The following HAUS3 variants were observed in gnomAD, a reference collection of about 807,000 sequenced individuals.
The protein encoded by HAUS3 is HAUS augmin-like complex subunit 3.
Under a neutral mutation model 55.2 loss-of-function variants are expected in HAUS3, and 36 were observed. The ratio of observed to expected loss-of-function variants is 0.65; its 90% CI spans 0.50 to 0.86. The LOEUF (loss-of-function observed/expected upper bound fraction) is 0.86, where lower values mean the gene tolerates loss of function less well. Ranked by LOEUF, HAUS3 falls within the 40% of genes least tolerant of loss-of-function variation. The probability of loss-of-function intolerance (pLI) is 0.00; values close to 1 mark genes in which losing one functional copy is unlikely to be tolerated. For missense variants in HAUS3, 752 were observed against 671.5 expected (o/e 1.12, Z -1.33); for synonymous variants, 234 against 238.6 (o/e 0.98, Z 0.18).
rs1441604302 is a variant in HAUS3 at position 2,236,259 on chromosome 4, T to C, written c.1547A>G (p.Gln516Arg). The C allele has an allele frequency of 6.2e-7, 1 of 1,613,142 alleles. No homozygotes were observed. The highest frequency in any genetic ancestry group is 1.7e-5 in the Admixed American group (1 of 60,004). Reference sequence around the variant, plus strand: ...ACTAAGCAAAAGCTGATTTCCTCCTTGATACAAAGTATCACAAAGCATGTC... The same window carrying C: ...ACTAAGCAAAAGCTGATTTCCTCCTCGATACAAAGTATCACAAAGCATGTC... ...DVDMLCDTLY[Q>R]GGNQLLLSDQ... The change falls in exon 5 of 6, where the codon CAA becomes CGA. Residue 516 changes from glutamine (Q) to arginine (R), a missense_variant. Coordinates refer to ENST00000443786, the MANE Select transcript of HAUS3 (RefSeq NM_001303143.2).
At position 2,240,407 on chromosome 4, in the gene HAUS3, G is replaced by C. The variant is rs761606642; in HGVS notation, c.540C>G (p.Phe180Leu). The C allele has an allele frequency of 3.1e-6, 5 of 1,612,972 alleles. No individual in the cohort carries two copies. Among genetic ancestry groups the C allele is most frequent in the African/African-American group, 1.3e-5 (1 of 75,036 alleles). ...TDEVTQLMMF[F>L]RHSNLGQGTN... Reference sequence around the variant, plus strand: ...TCCCTTGACCTAAATTAGAATGTCTGAAGAACATCATCAATTGTGTAACTT... The same window carrying C: ...TCCCTTGACCTAAATTAGAATGTCTCAAGAACATCATCAATTGTGTAACTT... Residue 180 changes from phenylalanine (F) to leucine (L), a missense_variant, in exon 3 of 6, where the codon TTC becomes TTG. By Grantham distance (22) the Phe-to-Leu change is conservative (BLOSUM62 0). Transcript: ENST00000443786.
intron 5 of HAUS3, among the ~76,000 whole-genome samples, chr4:2,233,410 T>A (rs1734652100): frequency 6.6e-6 from 1 of 151,218 alleles, no homozygotes; most frequent in Admixed American, 6.6e-5. Context: ...AGAGTGAGAT[T>A]ACCATATTTT....
In HAUS3 at chr4:2,230,469, A is replaced by G. The variant is rs1734540631; in HGVS notation, c.*1458T>C. 6.6e-6 allele frequency: 1 copy of G among 152,164 alleles called. No individual in the cohort carries two copies. Among genetic ancestry groups the G allele is most frequent in the African/African-American group, 2.4e-5 (1 of 41,412 alleles). 9.4% of individuals were successfully genotyped at this position (152,164 alleles called of 1,614,324 possible). ...CGAAATAGAATAGAAAAAAACATAT[A>G]CAACAAAAAAAAAGTTGCTCAGGTG... On this transcript the variant is annotated 3_prime_UTR_variant, in exon 6 of 6. Transcript: ENST00000443786.
Position 2,231,745 on chromosome 4 carries a change from T to C in HAUS3, c.*182A>G. 2.2e-6 allele frequency: 1 copy of C among 455,548 alleles called. No individual in the cohort carries two copies. Among genetic ancestry groups the C allele is most frequent in the Non-Finnish European group, 3.9e-6 (1 of 255,072 alleles). 28.2% of individuals were successfully genotyped at this position (455,548 alleles called of 1,614,324 possible). ...TACCACTAAACACATGCTCAAGTCA[T>C]AAAAAGCACTGGTATTCTGAATGTA... On this transcript the variant is annotated 3_prime_UTR_variant, in exon 6 of 6. Coordinates refer to ENST00000443786, the MANE Select transcript of HAUS3 (RefSeq NM_001303143.2).
intron 5 of HAUS3, among the ~76,000 whole-genome samples, chr4:2,234,967 A>G (rs929100375): frequency 2.6e-5 from 4 of 152,078 alleles, no homozygotes; most frequent in African/African-American, 9.7e-5. Flanking sequence ...CTCACTGCAA[A>G]CTTTGCCTCC....
At chr4:2,237,196 T>C (rs2213312) in intron 4 of HAUS3, among the ~76,000 whole-genome samples, 38,263 of 151,720 alleles carry the variant, frequency 0.25, 7,719 homozygotes, top group African/African-American at 0.54. Context: ...GTAATCCCAG[T>C]ATTGTGGGAG....
chr4:2,241,745 CA>C lies in HAUS3; in HGVS notation c.-374del. 1.0e-6 allele frequency: 1 copy of C among 985,494 alleles called. No homozygotes were observed. Among genetic ancestry groups the C allele is most frequent in the Non-Finnish European group, 1.2e-6 (1 of 829,948 alleles). 61.0% of individuals were successfully genotyped at this position (985,494 alleles called of 1,614,324 possible). A position where few individuals can be genotyped will look rare whatever the true frequency, so the allele number is the denominator to read the frequency against. On this transcript the variant is annotated 5_prime_UTR_variant, in exon 2 of 6. Transcript: ENST00000443786. ...CGCGATACACCAGACGCGCCAGCGG[CA>C]AAACCTTCCTTCGGAGGGTCACCCA...
intron 5 of HAUS3, chr4:2,234,126 A>T (rs974415513): frequency 1.3e-5 from 2 of 152,258 alleles, no homozygotes; most frequent in African/African-American, 4.8e-5. Context: ...ACAGTAATTA[A>T]ATCAAGACAG....
At chr4:2,239,709 A>C (rs1734901131) in intron 3 of HAUS3, among the ~76,000 whole-genome samples, 1 of 152,232 alleles carries the variant, frequency 6.6e-6, no homozygotes, top group Admixed American at 6.5e-5. Context: ...TAAAGCAATT[A>C]GTTTCTAGCC....
At chr4:2,235,380 G>A (rs1295440418) in intron 5 of HAUS3, among the ~76,000 whole-genome samples, 1 of 152,194 alleles carries the variant, frequency 6.6e-6, no homozygotes, top group African/African-American at 2.4e-5. Flanking sequence ...GAAATAACAA[G>A]TGTTGGCAAA....
At chr4:2,238,521 C>G (rs1446947722) in intron 4 of HAUS3, 83 bp downstream of exon 4, 1 of 883,574 alleles carries the variant, frequency 1.1e-6, no homozygotes, top group Non-Finnish European at 1.6e-6. Flanking sequence ...TTAAAAACTT[C>G]CAAAATTTTA....
rs1293686498 is a variant in HAUS3 at position 2,241,625 on chromosome 4, G to C, written c.-253C>G. Reference sequence around the variant, plus strand: ...CGCGGCCACAATTAAGGGTGCTTCGGGCCGGCCTTCAGCCAGCGCTGAGGC... The same window carrying C: ...CGCGGCCACAATTAAGGGTGCTTCGCGCCGGCCTTCAGCCAGCGCTGAGGC... On this transcript the variant is annotated 5_prime_UTR_variant, in exon 2 of 6. Coordinates refer to ENST00000443786, the MANE Select transcript of HAUS3 (RefSeq NM_001303143.2). 2.0e-6 allele frequency: 2 copies of C among 985,334 alleles called. No individual in the cohort carries two copies. Among genetic ancestry groups the C allele is most frequent in the Admixed American group, 6.1e-5 (1 of 16,270 alleles). The allele number at this position is 985,334 out of a possible 1,614,324, so 61.0% of individuals were successfully genotyped here. A position where few individuals can be genotyped will look rare whatever the true frequency, so the allele number is the denominator to read the frequency against.
Position 2,240,834 on chromosome 4 carries a change from G to A in HAUS3, c.113C>T (p.Ser38Leu). The part of the protein sequence containing the change: ...DWLFEGVEDE[S>L]FLKWFCGNVN... ...ATTCCCACAAAACCACTTCAGAAAC[G>A]ATTCATCTTCAACGCCCTCAAACAA... Residue 38 changes from serine (S) to leucine (L), a missense_variant, in exon 3 of 6, where the codon TCG becomes TTG. Physicochemically the swap from Ser to Leu is moderately radical, Grantham distance 145. Coordinates refer to ENST00000443786, the MANE Select transcript of HAUS3 (RefSeq NM_001303143.2). The A allele has an allele frequency of 6.2e-7, 1 of 1,613,520 alleles. No homozygotes were observed. The highest frequency in any genetic ancestry group is 8.5e-7 in the Non-Finnish European group (1 of 1,179,970).
chr4:2,235,403 C>A (rs776807179), intron 5 of HAUS3, among the ~76,000 whole-genome samples: 1 of 152,160 alleles, frequency 6.6e-6, no homozygotes, highest in Non-Finnish European at 1.5e-5. Context: ...TGTGGAGAAA[C>A]TGGAATTGTG....
At chr4:2,241,327 C>A (rs1734978556) in intron 2 of HAUS3, among the ~76,000 whole-genome samples, 193 bp downstream of exon 2, 1 of 152,188 alleles carries the variant, frequency 6.6e-6, no homozygotes, top group South Asian at 2.1e-4. Flanking sequence ...TCCATTTTAT[C>A]TTTTTTTCCA....
At chr4:2,235,647 G>A (rs28433903) in intron 5 of HAUS3, among the ~76,000 whole-genome samples, 25,286 of 152,032 alleles carry the variant, frequency 0.17, 3,604 homozygotes, top group African/African-American at 0.37. Flanking sequence ...GTCATTGAAG[G>A]ATACATACCT....
chr4:2,239,005 G>C lies in HAUS3; in HGVS notation c.948C>G (p.Ser316Arg). 6.5e-7 allele frequency: 1 copy of C among 1,548,148 alleles called. No homozygotes were observed. ...CAAGTTTCATAATCTCACTGGTCAA[G>C]CTAGAAATTTTAGCATCCAAATTTT... ...DKENLDAKIS[S>R]LTSEIMKLEK... is the part of the protein sequence containing the mutation. The change falls in exon 4 of 6, where the codon AGC (serine) becomes AGG (arginine). Residue 316 changes from serine to arginine, a missense_variant. By Grantham distance (110) the Ser-to-Arg change is moderately radical. Coordinates refer to ENST00000443786, the MANE Select transcript of HAUS3 (RefSeq NM_001303143.2).
At position 2,240,022 on chromosome 4, in the gene HAUS3, C is replaced by CA; in HGVS notation, c.909+15dup. The CA allele has an allele frequency of 6.3e-7, 1 of 1,595,778 alleles. No individual in the cohort carries two copies. The highest frequency in any genetic ancestry group is 8.6e-7 in the Non-Finnish European group (1 of 1,166,416). On this transcript the variant is annotated intron_variant, in intron 3 of 5. Transcript: ENST00000443786. ...AATAATTACAATGTGAATCCAATCT[C>CA]ATTTCTTATGCTTACCTTGCTGGTT... is the stretch of plus-strand genomic sequence containing the variant.
At position 2,236,254 on chromosome 4, in the gene HAUS3, C is replaced by G. The variant is rs745360811; in HGVS notation, c.1552G>C (p.Gly518Arg). ...DMLCDTLYQG[G>R]NQLLLSDQEL... ...TGATCACTAAGCAAAAGCTGATTTC[C>G]TCCTTGATACAAAGTATCACAAAGC... The change falls in exon 5 of 6, where the codon GGA becomes CGA. Residue 518 changes from glycine to arginine, a missense_variant. By Grantham distance (125) the Gly-to-Arg change is moderately radical. Transcript: ENST00000443786. 2.3e-5 allele frequency: 37 copies of G among 1,611,948 alleles called. No homozygotes were observed. The highest frequency in any genetic ancestry group is 3.0e-5 in the Non-Finnish European group (35 of 1,178,808).
Sources: allele counts gnomAD v4.1 joint callset (sites outside exome capture counted in the v4.1 genomes callset), GRCh38; gene constraint gnomAD v4.1.1; transcripts MANE v1.5; gene names NCBI Gene and HGNC (gene_info 2026-07-23, HGNC 2026-07-21).